The following ANKRD36C variants were observed in gnomAD, a reference collection of about 807,000 sequenced individuals.
The protein encoded by ANKRD36C is ankyrin repeat domain 36C.
ANKRD36C carries 61 observed loss-of-function variants against 276.4 expected under a neutral mutation model. That is an observed-to-expected ratio of 0.22 (90% confidence interval 0.18 to 0.27). ANKRD36C has a LOEUF of 0.27. Ranked by LOEUF, ANKRD36C falls within the 10% of genes least tolerant of loss-of-function variation. The pLI is 1.00. For synonymous variants in ANKRD36C, 483 were observed against 680.1 expected, an observed-to-expected ratio of 0.71 and a Z score of 4.51; for missense variants, 1,447 against 2,032.3, an observed-to-expected ratio of 0.71 and a Z score of 5.54.
chr2:95,975,380 C>G, intron 6 of ANKRD36C, among the ~76,000 whole-genome samples: 1 of 152,196 alleles, frequency 6.6e-6, no homozygotes, highest in East Asian at 1.9e-4. Context: ...TCAAACTATA[C>G]TACAAGGCTA....
intron 42 of ANKRD36C, among the ~76,000 whole-genome samples, chr2:95,911,162 A>G (rs1470833389): frequency 6.6e-6 from 1 of 151,494 alleles, no homozygotes; most frequent in Non-Finnish European, 1.5e-5. Context: ...CATGTGGTGT[A>G]ATACTTTGCT....
downstream of ANKRD36C, among the ~76,000 whole-genome samples, chr2:95,849,733 C>T (rs1041741541): frequency 2.0e-5 from 3 of 152,188 alleles, no homozygotes; most frequent in African/African-American, 4.8e-5. Flanking sequence ...TCATAAGGAG[C>T]ATGTGACCTA....
intron 42 of ANKRD36C, 63 bp downstream of exon 44, chr2:95,912,181 A>C: frequency 1.3e-6 from 2 of 1,534,790 alleles, no homozygotes; most frequent in Non-Finnish European, 1.8e-6. Context: ...CCACTGATTT[A>C]TTCGGGGAAG....
At position 95,918,143 on chromosome 2, in the gene ANKRD36C, A is replaced by C. The variant is rs556061303; in HGVS notation, c.2246-101T>G. ...CATCAAGCTGTATCCTTCTGCCTGT[A>C]CTAGTGTAGGCTCTGATGTCTTCTA... On this transcript the variant is annotated intron_variant, in intron 34 of 66. Coordinates refer to ENST00000456556, the Ensembl canonical transcript of ANKRD36C. 1.5e-5 allele frequency: 23 copies of C among 1,506,644 alleles called. No individual in the cohort carries two copies. In the East Asian group the frequency reaches 5.6e-4, roughly 37 times the overall value. The allele number at this position is 1,506,644 out of a possible 1,614,324, so 93.3% of individuals were successfully genotyped here. A position where few individuals can be genotyped will look rare whatever the true frequency, so the allele number is the denominator to read the frequency against.
At chr2:95,988,803 A>G (rs1398006888) in intron 1 of ANKRD36C, among the ~76,000 whole-genome samples, 1 of 152,148 alleles carries the variant, frequency 6.6e-6, no homozygotes, top group Non-Finnish European at 1.5e-5. Flanking sequence ...TAAAATAATC[A>G]AGCACAAATA....
chr2:95,859,940 T>C, exon 61 of ANKRD36C: 2 of 1,550,606 alleles, frequency 1.3e-6, no homozygotes, highest in Non-Finnish European at 1.7e-6. Context: ...TCAGATAGTC[T>C]CTTTTGTAGT....
At chr2:95,890,024 C>A in intron 46 of ANKRD36C, 30 bp from the exon 67 acceptor site, 1 of 1,602,814 alleles carries the variant, frequency 6.2e-7, no homozygotes, top group Non-Finnish European at 8.5e-7. Context: ...CATAATCACT[C>A]ATACGTAAAT....
rs1401839419 is a variant in ANKRD36C, at chr2:95,912,234, G to C, written c.2653+10C>G. On this transcript the variant is annotated intron_variant, in intron 42 of 66. Coordinates refer to ENST00000456556, the Ensembl canonical transcript of ANKRD36C. ...CTGCACATGACATTAAATGTGTTTT[G>C]CAAAATTACCTGTCCTAGATGTTTC... is the stretch of plus-strand genomic sequence containing the variant. 7.8e-6 allele frequency: 12 copies of C among 1,545,178 alleles called. No individual in the cohort carries two copies. Among genetic ancestry groups the C allele is most frequent in the Non-Finnish European group, 1.0e-5 (12 of 1,145,586 alleles).
chr2:95,910,669 A>G (rs1395880239), intron 42 of ANKRD36C, 101 bp from the exon 45 acceptor site: 2 of 1,576,620 alleles, frequency 1.3e-6, no homozygotes, highest in African/African-American at 2.7e-5. Context: ...TCCTGCCTGT[A>G]TTAGCGCAGG....
At chr2:95,889,345 C>A (rs959169057) in intron 48 of ANKRD36C, among the ~76,000 whole-genome samples, 1 of 151,570 alleles carries the variant, frequency 6.6e-6, no homozygotes, top group Admixed American at 6.6e-5. Context: ...AATCCCTATT[C>A]CTTGAGGAAA....
At chr2:95,953,653 A>T in intron 14 of ANKRD36C, among the ~76,000 whole-genome samples, 1 of 110,676 alleles carries the variant, frequency 9.0e-6, no homozygotes, top group African/African-American at 3.4e-5. Flanking sequence ...TATATCCTCT[A>T]CTGTGGGAAA....
intron 17 of ANKRD36C, among the ~76,000 whole-genome samples, chr2:95,946,156 GA>G (rs56964568): frequency 0.41 from 29,324 of 72,152 alleles, 2,838 homozygotes; most frequent in African/African-American, 0.5. Context: ...ACAGAGAGAG[GA>G]AAAAAAAAAA....
chr2:95,928,685 G>A (rs76650207), intron 26 of ANKRD36C, among the ~76,000 whole-genome samples: 2 of 151,264 alleles, frequency 1.3e-5, no homozygotes, highest in Non-Finnish European at 3.0e-5. Flanking sequence ...GGAGTTATTA[G>A]GATCACTTTT....
At chr2:95,858,777 C>T (rs1675488633) in intron 61 of ANKRD36C, among the ~76,000 whole-genome samples, 1 of 152,114 alleles carries the variant, frequency 6.6e-6, no homozygotes, top group African/African-American at 2.4e-5. Context: ...TGTTACCCTA[C>T]ACTTTTTAAG....
At chr2:95,852,970 G>A (rs185977693) in intron 64 of ANKRD36C, 1 of 152,168 alleles carries the variant, frequency 6.6e-6, no homozygotes, top group Non-Finnish European at 1.5e-5. Context: ...CAAAGGAGAA[G>A]CCCTGTTGTC....
At chr2:95,927,358 C>T (rs374160820) in intron 27 of ANKRD36C, 23 bp downstream of exon 27, 2 of 1,606,586 alleles carry the variant, frequency 1.2e-6, no homozygotes. Flanking sequence ...AATAGTTCAA[C>T]ATATAAATGA....
At chr2:95,959,907 C>T (rs1678417119) in intron 10 of ANKRD36C, among the ~76,000 whole-genome samples, 1 of 152,210 alleles carries the variant, frequency 6.6e-6, no homozygotes, top group Non-Finnish European at 1.5e-5. Flanking sequence ...TTCCTTTATG[C>T]AAACATTCTA....
intron 36 of ANKRD36C, 137 bp downstream of exon 38, chr2:95,917,718 A>C (rs1222682023): frequency 5.1e-5 from 61 of 1,193,158 alleles, no homozygotes; most frequent in Non-Finnish European, 7.0e-5. Flanking sequence ...ATTACAAATG[A>C]AGACTCTCAG....
At chr2:95,875,098 C>T (rs1675913386) in intron 59 of ANKRD36C, among the ~76,000 whole-genome samples, 1 of 152,174 alleles carries the variant, frequency 6.6e-6, no homozygotes, top group Non-Finnish European at 1.5e-5. Flanking sequence ...TAAACTAGTT[C>T]AACCATTGTG....
Sources: gnomAD v4.1 joint callset for allele counts (sites outside exome capture counted in the v4.1 genomes callset) on GRCh38, gnomAD v4.1.1 for gene constraint, MANE v1.5 for transcripts, NCBI Gene and HGNC (gene_info 2026-07-23, HGNC 2026-07-21) for gene names.